The following CTNNA2 variants were observed in gnomAD, a reference collection of about 807,000 sequenced individuals.
CTNNA2 encodes catenin alpha-2.
Under a neutral mutation model 101.0 loss-of-function variants are expected in CTNNA2, and 42 were observed. The observed-to-expected ratio is 0.42, with a 90% CI of 0.32 to 0.54. The LOEUF (loss-of-function observed/expected upper bound fraction) is 0.54. CTNNA2 is among the 20% of genes least tolerant of loss of function. The pLI, the probability that CTNNA2 is intolerant of heterozygous loss-of-function variation, is 0.14. For missense variants in CTNNA2, 871 were observed against 1,223.1 expected, an observed-to-expected ratio of 0.71 and a Z score of 4.29; for synonymous variants, 450 against 456.4, an observed-to-expected ratio of 0.99 and a Z score of 0.18.
intron 11 of CTNNA2, among the ~76,000 whole-genome samples, chr2:80,547,559 T>G (rs1288950595): frequency 1.3e-5 from 2 of 152,322 alleles, no homozygotes; most frequent in Non-Finnish European, 1.5e-5. Flanking sequence ...CTCTAATCCC[T>G]TTCAGAAACC....
intron 3 of CTNNA2, among the ~76,000 whole-genome samples, chr2:79,328,800 C>T (rs1290568981): frequency 6.6e-6 from 1 of 152,204 alleles, no homozygotes; most frequent in African/African-American, 2.4e-5. Flanking sequence ...AATTGATTCT[C>T]TCACAGTTCT....
intron 9 of CTNNA2, among the ~76,000 whole-genome samples, chr2:80,433,216 C>A (rs2149429439): frequency 6.6e-6 from 1 of 152,228 alleles, no homozygotes; most frequent in South Asian, 2.1e-4. Context: ...AATTGGCACA[C>A]TTTTCCTGTG....
intron 18 of CTNNA2, among the ~76,000 whole-genome samples, chr2:80,639,588 C>T (rs1334385292): frequency 6.6e-6 from 1 of 151,384 alleles, no homozygotes; most frequent in Non-Finnish European, 1.5e-5. Flanking sequence ...GTCACTTTTA[C>T]CTCTAACACC....
chr2:80,497,344 C>T (rs1014982852), intron 9 of CTNNA2, among the ~76,000 whole-genome samples: 1 of 152,102 alleles, frequency 6.6e-6, no homozygotes, highest in African/African-American at 2.4e-5. Context: ...AGAAATGTAC[C>T]CATGCCTGGG....
At chr2:79,988,212 C>T (rs1039505398) in intron 7 of CTNNA2, among the ~76,000 whole-genome samples, 6 of 152,160 alleles carry the variant, frequency 3.9e-5, no homozygotes, top group African/African-American at 1.2e-4. Flanking sequence ...ATACCAGCTA[C>T]GCAGTTTCCT....
intron 6 of CTNNA2, among the ~76,000 whole-genome samples, chr2:79,903,680 A>G (rs1231724781): frequency 2.0e-5 from 3 of 152,146 alleles, no homozygotes; most frequent in Non-Finnish European, 2.9e-5. Context: ...ATGGGGACAA[A>G]CACCTTTGAA....
intron 7 of CTNNA2, among the ~76,000 whole-genome samples, chr2:80,214,837 A>G (rs924613249): frequency 5.3e-5 from 8 of 152,154 alleles, no homozygotes; most frequent in Non-Finnish European, 7.3e-5. Context: ...CTCCTGCATA[A>G]TATCCTGCAG....
intron 4 of CTNNA2, among the ~76,000 whole-genome samples, chr2:79,446,024 A>G (rs1678829463): frequency 6.6e-6 from 1 of 152,110 alleles, no homozygotes; most frequent in Non-Finnish European, 1.5e-5. Flanking sequence ...CATAGTAGTT[A>G]AGCATTTGGG....
At chr2:80,558,445 TG>T in intron 12 of CTNNA2, among the ~76,000 whole-genome samples, 1 of 5,734 alleles carries the variant, frequency 1.7e-4, no homozygotes, top group African/African-American at 2.0e-4. Context: ...GTTTTGTTGG[TG>T]TGTGTGTGTG....
intron 7 of CTNNA2, among the ~76,000 whole-genome samples, chr2:80,351,103 G>A (rs979883286): frequency 1.3e-5 from 2 of 152,048 alleles, no homozygotes; most frequent in African/African-American, 2.4e-5. Context: ...ATTGAGAACA[G>A]AATAAAAGAA....
chr2:79,729,790 T>C (rs1006545726), intron 2 of CTNNA2, among the ~76,000 whole-genome samples: 5 of 152,070 alleles, frequency 3.3e-5, no homozygotes, highest in African/African-American at 4.8e-5. Flanking sequence ...ATTCTATCCA[T>C]GAAGATGACC....
chr2:79,627,500 G>C (rs909445234), intron 1 of CTNNA2, among the ~76,000 whole-genome samples: 1 of 152,134 alleles, frequency 6.6e-6, no homozygotes, highest in Non-Finnish European at 1.5e-5. Context: ...CCGGTAGAAC[G>C]CATAAAGTGC....
intron 3 of CTNNA2, among the ~76,000 whole-genome samples, chr2:79,795,019 A>C (rs138368078): frequency 6.6e-6 from 1 of 152,200 alleles, no homozygotes; most frequent in Non-Finnish European, 1.5e-5. Context: ...GAATCAGTCT[A>C]ACTGTGAATA....
At chr2:79,937,287 G>A (rs1167186962) in intron 7 of CTNNA2, among the ~76,000 whole-genome samples, 1 of 152,088 alleles carries the variant, frequency 6.6e-6, no homozygotes, top group African/African-American at 2.4e-5. Flanking sequence ...GCCACATATA[G>A]CACTTTTATA....
intron 2 of CTNNA2, among the ~76,000 whole-genome samples, chr2:79,711,715 G>A (rs530008860): frequency 6.6e-6 from 1 of 152,224 alleles, no homozygotes. Flanking sequence ...TTTCTGTAAA[G>A]GGTCAGATAG....
At chr2:79,377,167 T>C (rs1162948166) in intron 4 of CTNNA2, among the ~76,000 whole-genome samples, 2 of 152,176 alleles carry the variant, frequency 1.3e-5, no homozygotes, top group Non-Finnish European at 1.5e-5. Flanking sequence ...CACTTTTTAA[T>C]GATTGCCATT....
chr2:80,113,790 T>C (rs1424907255), intron 7 of CTNNA2, among the ~76,000 whole-genome samples: 4 of 152,222 alleles, frequency 2.6e-5, no homozygotes, highest in Non-Finnish European at 4.4e-5. Context: ...ATCATAAATA[T>C]GCAAGTACTA....
chr2:79,341,267 A>C (rs1677131291), intron 3 of CTNNA2, among the ~76,000 whole-genome samples: 1 of 152,196 alleles, frequency 6.6e-6, no homozygotes, highest in Admixed American at 6.5e-5. Flanking sequence ...TCTAGAATGA[A>C]TATAAAAATA....
intron 1 of CTNNA2, among the ~76,000 whole-genome samples, chr2:79,541,697 GC>G (rs1382221739): frequency 2.0e-4 from 30 of 150,924 alleles, no homozygotes; most frequent in African/African-American, 7.3e-4. Flanking sequence ...CATGATCTTG[GC>G]TCACTGCAAC....
Sources: gnomAD v4.1 joint callset for allele counts (sites outside exome capture counted in the v4.1 genomes callset) on GRCh38, gnomAD v4.1.1 for gene constraint, MANE v1.5 for transcripts, NCBI Gene and HGNC (gene_info 2026-07-23, HGNC 2026-07-21) for gene names.